Variants in MAP7D1 observed in about 807,000 individuals in gnomAD.
MAP7D1 encodes MAP7 domain-containing protein 1.
MAP7D1 carries 30 observed loss-of-function variants against 97.5 expected under a neutral mutation model. The ratio of observed to expected loss-of-function variants is 0.31; its 90% CI spans 0.23 to 0.42. The LOEUF (loss-of-function observed/expected upper bound fraction) is 0.42. MAP7D1 is among the 10% of genes least tolerant of loss of function. The probability of loss-of-function intolerance (pLI) is 1.00; values close to 1 mark genes in which losing one functional copy is unlikely to be tolerated. For synonymous variants in MAP7D1, 536 were observed against 477.1 expected (o/e 1.12, Z -1.61); for missense variants, 1,184 against 1,179.5 (o/e 1.00, Z -0.06).
Position 36,180,525 on chromosome 1 carries a change from T to G in MAP7D1, c.*267T>G. On this transcript the variant is annotated 3_prime_UTR_variant, in exon 17 of 17. Coordinates refer to ENST00000474796, the MANE Select transcript of MAP7D1 (RefSeq NM_001388490.1). ...ATACACTCACAGCCTCTCTGGCCTC[T>G]TCCCTTGGGGAGGGGCCACCTGTAG... The G allele has an allele frequency of 1.9e-6, 1 of 533,266 alleles. No homozygotes were observed. Among genetic ancestry groups the G allele is most frequent in the Non-Finnish European group, 3.4e-6 (1 of 295,606 alleles). The allele number at this position is 533,266 out of a possible 1,614,324, so 33.0% of individuals were successfully genotyped here.
At chr1:36,173,341 C>T (rs745768200) in intron 4 of MAP7D1, 23 bp from the exon 5 acceptor site, 2 of 1,585,398 alleles carry the variant, frequency 1.3e-6, no homozygotes, top group South Asian at 2.2e-5. Flanking sequence ...CCACATCTCT[C>T]TCTTCTCCCC....
chr1:36,175,052 C>A, intron 6 of MAP7D1, 44 bp downstream of exon 6: 1 of 1,344,318 alleles, frequency 7.4e-7, no homozygotes, highest in Non-Finnish European at 1.1e-6. Flanking sequence ...CCCCTTGTAG[C>A]TCCCACCAAG....
At position 36,178,505 on chromosome 1, in the gene MAP7D1, G is replaced by A; in HGVS notation, c.1795G>A (p.Ala599Thr). The change falls in exon 10 of 17, where the codon GCC becomes ACC. Residue 599 changes from alanine (A) to threonine (T), a missense_variant. Transcript: ENST00000474796. Reference sequence around the variant, plus strand: ...GGCCGGCACCACAGACCGAGAAGAAGCCACTCGGCTCTTGGCTGAGAAGCG... The same window carrying A: ...GGCCGGCACCACAGACCGAGAAGAAACCACTCGGCTCTTGGCTGAGAAGCG... The part of the protein sequence containing the change: ...PMAGTTDREE[A>T]TRLLAEKRRQ... 6.2e-7 allele frequency: 1 copy of A among 1,610,692 alleles called. No individual in the cohort carries two copies. Among genetic ancestry groups the A allele is most frequent in the Non-Finnish European group, 8.5e-7 (1 of 1,178,882 alleles).
In MAP7D1 at chr1:36,176,911, T is replaced by C. The variant is rs1644635523; in HGVS notation, c.1379+69T>C. 1.2e-5 allele frequency: 16 copies of C among 1,346,008 alleles called. No homozygotes were observed. Among genetic ancestry groups the C allele is most frequent in the Non-Finnish European group, 1.5e-5 (15 of 973,274 alleles). 83.4% of individuals were successfully genotyped at this position (1,346,008 alleles called of 1,614,324 possible). ...TTTATTCATCACCCACAAATATTTGTTGGGCAACCACCTCTAGAATGCAAC... is the reference window on the plus strand; with the variant it reads ...TTTATTCATCACCCACAAATATTTGCTGGGCAACCACCTCTAGAATGCAAC... On this transcript the variant is annotated intron_variant, in intron 8 of 16. Transcript: ENST00000474796. This position sits in a 1 kb window ranked among gnomAD's most constrained non-coding sequence, Gnocchi z 6.1.
intron 4 of MAP7D1, 56 bp from the exon 5 acceptor site, chr1:36,173,308 C>A: frequency 7.1e-7 from 1 of 1,398,840 alleles, no homozygotes; most frequent in Non-Finnish European, 1.0e-6. Context: ...GCCTCTATCC[C>A]AAATTCGATG....
At position 36,156,323 on chromosome 1, in the gene MAP7D1, G is replaced by A. The variant is rs1318671169; in HGVS notation, c.-95G>A. 10 of 1,122,038 alleles carry A rather than the reference G, an allele frequency of 8.9e-6. No individual in the cohort carries two copies. The highest frequency in any genetic ancestry group is 6.6e-5 in the African/African-American group (4 of 60,314). 69.5% of individuals were successfully genotyped at this position (1,122,038 alleles called of 1,614,324 possible). ...AGTCGCTACTTGCCGGGCCGGGCCG[G>A]GCCGGGCGTGATGCGCCGCGGGACC... On this transcript the variant is annotated 5_prime_UTR_variant, in exon 1 of 17. Coordinates refer to ENST00000474796, the MANE Select transcript of MAP7D1 (RefSeq NM_001388490.1).
chr1:36,161,320 A>G (rs1253678689), intron 1 of MAP7D1, among the ~76,000 whole-genome samples: 1 of 152,100 alleles, frequency 6.6e-6, no homozygotes, highest in African/African-American at 2.4e-5. Flanking sequence ...ACAATTAGGC[A>G]TTCCCCAGAG....
chr1:36,178,429 C>T lies in MAP7D1; in HGVS notation c.1719C>T (p.Val573=). Residue 573 remains valine (V), a synonymous_variant, in exon 10 of 17, where the codon GTC becomes GTT. Transcript: ENST00000474796. ...CGGATCCCCCTCCAGACGCTGCTGT[C>T]TTGACCTCACCCCCAGCCCCTGCTC... ...PPAETPTDAA[V]LTSPPAPAPP... 7 of 1,610,874 alleles carry T rather than the reference C, an allele frequency of 4.3e-6. No individual in the cohort carries two copies. The highest frequency in any genetic ancestry group is 5.9e-6 in the Non-Finnish European group (7 of 1,179,438).
intron 2 of MAP7D1, 38 bp downstream of exon 2, chr1:36,171,353 G>C (rs770325916): frequency 2.6e-6 from 4 of 1,544,420 alleles, no homozygotes; most frequent in Non-Finnish European, 3.5e-6. Flanking sequence ...TAAACCTCTT[G>C]GCTCAGGGTC....
chr1:36,161,225 T>A (rs1241344382), intron 1 of MAP7D1, among the ~76,000 whole-genome samples: 1 of 152,184 alleles, frequency 6.6e-6, no homozygotes, highest in Non-Finnish European at 1.5e-5. Context: ...TGCCCTCTCC[T>A]AGGGCACTCC....
chr1:36,179,611 C>T, intron 14 of MAP7D1, 54 bp downstream of exon 14: 1 of 1,551,482 alleles, frequency 6.4e-7, no homozygotes, highest in Non-Finnish European at 8.7e-7. Context: ...CCTCCTCCTC[C>T]ATCCTCACCT....
At chr1:36,167,039 G>A (rs1644482586) in intron 1 of MAP7D1, among the ~76,000 whole-genome samples, 1 of 152,186 alleles carries the variant, frequency 6.6e-6, no homozygotes, top group South Asian at 2.1e-4. Flanking sequence ...GGAGTTGCAT[G>A]AGTGAAACTA....
rs1163041807 is a variant in MAP7D1, at chr1:36,178,171, A to G, written c.1678A>G (p.Lys560Glu). ...CTCGCCCACCCCAGCCCCGCCCCAG[A>G]AGGAGCAGCCCCCCGCGGAGACCCC... ...APSPTPAPPQKEQPPAETPTD... is the reference protein window; with the variant it reads ...APSPTPAPPQEEQPPAETPTD... The change falls in exon 9 of 17, where the codon AAG becomes GAG. Residue 560 changes from lysine (K) to glutamate (E), a missense_variant. Transcript: ENST00000474796. The G allele has an allele frequency of 6.4e-7, 1 of 1,570,540 alleles. No individual in the cohort carries two copies. The highest frequency in any genetic ancestry group is 8.6e-7 in the Non-Finnish European group (1 of 1,157,530).
At chr1:36,157,211 G>A (rs1231136111) in intron 1 of MAP7D1, 1 of 152,222 alleles carries the variant, frequency 6.6e-6, no homozygotes, top group East Asian at 1.9e-4. Context: ...CGGGGAGGAG[G>A]GGGACAGAAG....
At position 36,179,286 on chromosome 1, in the gene MAP7D1, A is replaced by T. The variant is rs747735423; in HGVS notation, c.2155A>T (p.Thr719Ser). The change falls in exon 13 of 17, where the codon ACT (threonine) becomes TCT (serine). Residue 719 changes from threonine (T) to serine (S), a missense_variant. Transcript: ENST00000474796. ...RKRLEEIMKR[T>S]RKSEVSETKK... ...GCGTCTGGAGGAGATCATGAAGAGG[A>T]CTCGGAAGTCAGAAGTTTCTGAAAC... The T allele has an allele frequency of 6.2e-7, 1 of 1,613,780 alleles. No homozygotes were observed. The highest frequency in any genetic ancestry group is 2.2e-5 in the East Asian group (1 of 44,830).
chr1:36,178,712 GGAGGCC>G lies in MAP7D1; in HGVS notation c.1921_1926del (p.Glu641_Ala642del), dbSNP rs1644667996. The G allele has an allele frequency of 6.5e-7, 1 of 1,535,652 alleles. No homozygotes were observed. The highest frequency in any genetic ancestry group is 8.8e-7 in the Non-Finnish European group (1 of 1,141,692). On this transcript the variant is annotated inframe_deletion, in exon 11 of 17. Coordinates refer to ENST00000474796, the MANE Select transcript of MAP7D1 (RefSeq NM_001388490.1). ...GAATGCGAGAGGAGCAGCTGGCACG[GGAGGCC>G]GAGGCCCGGGCGGAGCGGGAGGCGG...
chr1:36,179,815 G>C, intron 15 of MAP7D1, 59 bp downstream of exon 15: 1 of 1,566,088 alleles, frequency 6.4e-7, no homozygotes, highest in Non-Finnish European at 8.7e-7. Context: ...CTGGAGCTGC[G>C]GGGTGGCCTG....
In MAP7D1 at chr1:36,171,516, TGAA is replaced by T; in HGVS notation, c.400_402del (p.Lys134del). On this transcript the variant is annotated inframe_deletion, in exon 3 of 17. Coordinates refer to ENST00000474796, the MANE Select transcript of MAP7D1 (RefSeq NM_001388490.1). ...TGTTCTTGTTCCCTCTGCTCAGAGGTGAAGAAGGCAGGAGAGAGACACAAGCTG... is the reference window on the plus strand; with the variant it reads ...TGTTCTTGTTCCCTCTGCTCAGAGGTGAAGGCAGGAGAGAGACACAAGCTG... 1 of 1,613,988 alleles carries T rather than the reference TGAA, an allele frequency of 6.2e-7. No homozygotes were observed. Among genetic ancestry groups the T allele is most frequent in the Middle Eastern group, 1.7e-4 (1 of 6,058 alleles).
In MAP7D1 at chr1:36,177,599, C is replaced by T. The variant is rs192466024; in HGVS notation, c.1380-274C>T. On this transcript the variant is annotated intron_variant, in intron 8 of 16. Transcript: ENST00000474796. ...GGTAGCACTCAGGGTGCTGAGGACA[C>T]GTTGCTGAGCTAACCCAAGCATGGT... is the stretch of plus-strand genomic sequence containing the variant. The T allele has an allele frequency of 5.4e-4, 373 of 693,574 alleles. 1 individual carries two copies. The highest frequency in any genetic ancestry group is 8.8e-4 in the Non-Finnish European group (328 of 371,942). The allele number at this position is 693,574 out of a possible 1,614,324, so 43.0% of individuals were successfully genotyped here.
Sources: gnomAD v4.1 joint callset for allele counts (sites outside exome capture counted in the v4.1 genomes callset) on GRCh38, gnomAD v4.1.1 for gene constraint, Gnocchi (gnomAD v3.1) non-coding constraint, MANE v1.5 for transcripts, NCBI Gene and HGNC (gene_info 2026-07-23, HGNC 2026-07-21) for gene names.